Variants in MYBBP1A observed in about 807,000 individuals in gnomAD.
MYBBP1A encodes the protein MYB binding protein 1a, also known as myb-binding protein 1A.
A neutral mutation model predicts 136.3 loss-of-function variants in MYBBP1A; 147 were observed. The observed-to-expected ratio is 1.08, with a 90% confidence interval of 0.94 to 1.24. The LOEUF is 1.24. Among genes scored for constraint, MYBBP1A ranks in the 50% most tolerant of loss-of-function variants. MYBBP1A has a pLI of 0.00. For missense variants in MYBBP1A, 2,060 were observed against 1,727.4 expected (o/e 1.19, Z -3.41); for synonymous variants, 947 against 735.8 (o/e 1.29, Z -4.65).
chr17:4,543,322 A>G, intron 19 of MYBBP1A, 157 bp from the exon 20 acceptor site: 3 of 1,014,852 alleles, frequency 3.0e-6, no homozygotes, highest in Non-Finnish European at 4.2e-6. Context: ...GGCCGCCTGC[A>G]GGCTGCCTGG....
chr17:4,541,941 C>T, intron 22 of MYBBP1A, 50 bp from the exon 23 acceptor site: 1 of 1,505,206 alleles, frequency 6.6e-7, no homozygotes, highest in Admixed American at 1.7e-5. Context: ...GTTGGGTGCT[C>T]ACGGCTCAGG....
intron 8 of MYBBP1A, among the ~76,000 whole-genome samples, chr17:4,551,353 G>A (rs1249554098): frequency 6.6e-6 from 1 of 152,240 alleles, no homozygotes. Flanking sequence ...GGTCTGAACA[G>A]CCCGCTGGCT....
chr17:4,549,737 T>C (rs772742416), intron 9 of MYBBP1A, among the ~76,000 whole-genome samples: 3 of 124,802 alleles, frequency 2.4e-5, no homozygotes, highest in Non-Finnish European at 4.6e-5. Flanking sequence ...TGAGCTGAGA[T>C]CACACGCCAC....
chr17:4,544,990 TCCCCGGCC>T, intron 17 of MYBBP1A, 28 bp downstream of exon 17: 13 of 699,260 alleles, frequency 1.9e-5, no homozygotes, highest in Middle Eastern at 4.5e-4. Flanking sequence ...ACCCGAGCCC[TCCCCGGCC>T]GCCCCCCCCT....
At position 4,550,047 on chromosome 17, in the gene MYBBP1A, G is replaced by A; in HGVS notation, c.1319+11C>T. 6.3e-7 allele frequency: 1 copy of A among 1,599,702 alleles called. No individual in the cohort carries two copies. Among genetic ancestry groups the A allele is most frequent in the Non-Finnish European group, 8.5e-7 (1 of 1,170,916 alleles). On this transcript the variant is annotated intron_variant, in intron 9 of 25. Coordinates refer to ENST00000254718, the MANE Select transcript of MYBBP1A (RefSeq NM_014520.4). The stretch of plus-strand genomic sequence containing the variant: ...TCCTAAATTAGGTGTCCTCCCCCAA[G>A]GTCCACTCACATGTGGAGCGATGAA...
At position 4,548,547 on chromosome 17, in the gene MYBBP1A, CTCT is replaced by C. The variant is rs1907211033; in HGVS notation, c.1530_1532del (p.Glu511del). 1.9e-6 allele frequency: 3 copies of C among 1,614,062 alleles called. No individual in the cohort carries two copies. Among genetic ancestry groups the C allele is most frequent in the Non-Finnish European group, 2.5e-6 (3 of 1,180,052 alleles). ...ACCTGAAGAAGGCACTGCTGACAGC[CTCT>C]CGGGCCTGGTTTTCCAAAGGGAAGG... is the stretch of plus-strand genomic sequence containing the variant. On this transcript the variant is annotated inframe_deletion, in exon 11 of 26. Coordinates refer to ENST00000254718, the MANE Select transcript of MYBBP1A (RefSeq NM_014520.4). The surrounding 1 kb of genome is among the most constrained non-coding windows in gnomAD (Gnocchi z 4.2).
Position 4,544,824 on chromosome 17 carries a change from C to T in MYBBP1A, c.2408G>A (p.Arg803His), listed in dbSNP as rs369166290. 57 of 1,605,944 alleles carry T rather than the reference C, an allele frequency of 3.5e-5. No individual in the cohort carries two copies. The highest frequency in any genetic ancestry group is 7.8e-5 in the South Asian group (7 of 89,372). The change falls in exon 18 of 26, where the codon CGT becomes CAT. Residue 803 changes from arginine to histidine, a missense_variant. Arg to His is a conservative substitution (Grantham distance 29). Coordinates refer to ENST00000254718, the MANE Select transcript of MYBBP1A (RefSeq NM_014520.4). ...CTTCTCGTCTCGCCGGGCCTGGATA[C>T]GCAGCTTCTGCTCGGCAAAGAGGCT... Reference protein sequence around the residue: ...LASLFAEQKLRIQARRDEKNK... With the variant: ...LASLFAEQKLHIQARRDEKNK...
In MYBBP1A at chr17:4,549,434, C is replaced by T. The variant is rs767640756; in HGVS notation, c.1328G>A (p.Arg443Gln). 1.2e-5 allele frequency: 20 copies of T among 1,612,718 alleles called. No homozygotes were observed. Among genetic ancestry groups the T allele is most frequent in the South Asian group, 7.7e-5 (7 of 91,042 alleles). ...CCATTTCCTCAGCCGGAACACAGCT[C>T]GCTCAGGCCTAGCGGGGCAGGAGGC... ...AQDSSLHMPERAVFRLRKWII... is the reference protein window; with the variant it reads ...AQDSSLHMPEQAVFRLRKWII... Residue 443 changes from arginine to glutamine, a missense_variant, in exon 10 of 26, where the codon CGA becomes CAA. Physicochemically the swap from Arg to Gln is conservative, Grantham distance 43. Coordinates refer to ENST00000254718, the MANE Select transcript of MYBBP1A (RefSeq NM_014520.4).
chr17:4,539,546 C>G lies in MYBBP1A; in HGVS notation c.3856G>C (p.Val1286Leu), dbSNP rs779477710. ...GCGGACAGTGGTGATTTGCCCAAGA[C>G]CCCCTTTTTGGGAAGAGCCTTCTGA... The part of the protein sequence containing the change: ...QHQKALPKKG[V>L]LGKSPLSALA... Residue 1286 changes from valine to leucine, a missense_variant, in exon 26 of 26, where the codon GTC (valine) becomes CTC (leucine). Coordinates refer to ENST00000254718, the MANE Select transcript of MYBBP1A (RefSeq NM_014520.4). The G allele has an allele frequency of 3.1e-6, 5 of 1,614,044 alleles. No individual in the cohort carries two copies. In the African/African-American group the frequency reaches 6.7e-5, roughly 22 times the overall value.
At chr17:4,544,967 A>G (rs1172378119) in intron 17 of MYBBP1A, 46 bp from the exon 18 acceptor site, 12 of 1,562,750 alleles carry the variant, frequency 7.7e-6, no homozygotes, top group Non-Finnish European at 1.0e-5. Context: ...GGGCAGGCAC[A>G]CAACATGGGG....
In MYBBP1A at chr17:4,545,727, C is replaced by T. The variant is rs1195832362; in HGVS notation, c.1956G>A (p.Val652=). ...GGGCCAACAGGGCCAGCAAGATCTC[C>T]ACCAGCACCTCTACCCACGGGGGTT... ...PQEPPWVEVL[V]EILLALLAQP... is the part of the protein sequence containing the mutation. The change falls in exon 15 of 26, where the codon GTG becomes GTA. Residue 652 remains valine (V), a synonymous_variant. Coordinates refer to ENST00000254718, the MANE Select transcript of MYBBP1A (RefSeq NM_014520.4). 6 of 1,609,494 alleles carry T rather than the reference C, an allele frequency of 3.7e-6. No individual in the cohort carries two copies. The highest frequency in any genetic ancestry group is 5.1e-6 in the Non-Finnish European group (6 of 1,177,320).
Position 4,552,379 on chromosome 17 carries a change from C to T in MYBBP1A, c.737+72G>A, listed in dbSNP as rs538346977. 3.5e-5 allele frequency: 56 copies of T among 1,602,478 alleles called. 1 individual carries two copies. The highest frequency in any genetic ancestry group is 1.6e-4 in the East Asian group (7 of 44,754). On this transcript the variant is annotated intron_variant, in intron 6 of 25. Transcript: ENST00000254718. This position sits in a 1 kb window ranked among gnomAD's most constrained non-coding sequence, Gnocchi z 4.7. ...GCAGCCGGGACACCCCCAGGCCAAA[C>T]GACAAATCTGGGCCTGGCCAGATGC...
chr17:4,552,696 C>T lies in MYBBP1A; in HGVS notation c.562-70G>A, dbSNP rs1259192330. 6.8e-7 allele frequency: 1 copy of T among 1,461,710 alleles called. No individual in the cohort carries two copies. Among genetic ancestry groups the T allele is most frequent in the Non-Finnish European group, 9.3e-7 (1 of 1,071,080 alleles). The allele number at this position is 1,461,710 out of a possible 1,614,324, so 90.5% of individuals were successfully genotyped here. ...AGCCTGGTGGATCCTGTTCTACCTG[C>T]TCCTGACACGGGGCCACCTGGTGAG... On this transcript the variant is annotated intron_variant, in intron 5 of 25. Coordinates refer to ENST00000254718, the MANE Select transcript of MYBBP1A (RefSeq NM_014520.4). The surrounding 1 kb of genome is among the most constrained non-coding windows in gnomAD (Gnocchi z 4.7).
chr17:4,545,573 C>T (rs149496421), intron 15 of MYBBP1A, 37 bp downstream of exon 15: 20,910 of 1,548,648 alleles, frequency 0.014, 181 homozygotes, highest in Non-Finnish European at 0.017. Flanking sequence ...CTCAGTGAGC[C>T]CCAGCCCACA....
intron 22 of MYBBP1A, 130 bp from the exon 23 acceptor site, chr17:4,542,021 G>T: frequency 1.5e-6 from 1 of 669,362 alleles, no homozygotes; most frequent in Non-Finnish European, 2.6e-6. Context: ...GCTGCTCTGG[G>T]CTCTGTGACT....
At position 4,543,142 on chromosome 17, in the gene MYBBP1A, C is replaced by T. The variant is rs779307309; in HGVS notation, c.2663G>A (p.Arg888His). ...IFTHHLCRARRYCHDLGERAG... is the reference protein window; with the variant it reads ...IFTHHLCRARHYCHDLGERAG... The stretch of plus-strand genomic sequence containing the variant: ...GCGCTCACCCAAGTCGTGGCAGTAG[C>T]GCCGGGCACGGCACAGGTGGTGCCT... Residue 888 changes from arginine (R) to histidine (H), a missense_variant, in exon 20 of 26, where the codon CGC (arginine) becomes CAC (histidine). Arg to His is a conservative substitution (Grantham distance 29). Coordinates refer to ENST00000254718, the MANE Select transcript of MYBBP1A (RefSeq NM_014520.4). 6.9e-5 allele frequency: 111 copies of T among 1,609,150 alleles called. No homozygotes were observed. Among genetic ancestry groups the T allele is most frequent in the Admixed American group, 4.3e-4 (26 of 59,864 alleles).
intron 19 of MYBBP1A, among the ~76,000 whole-genome samples, chr17:4,544,131 C>T (rs961003279): frequency 1.3e-5 from 2 of 150,566 alleles, no homozygotes; most frequent in Non-Finnish European, 3.0e-5. Context: ...GCCACAGGTG[C>T]ACCCACTGTC....
rs374704321 is a variant in MYBBP1A, at chr17:4,554,006, C to T, written c.453+13G>A. ...GCCAGCCTACATTCCCCCAGTCCCTCCAAAGCTCTTACCTTCACCAGCCGA... is the reference window on the plus strand; with the variant it reads ...GCCAGCCTACATTCCCCCAGTCCCTTCAAAGCTCTTACCTTCACCAGCCGA... On this transcript the variant is annotated intron_variant, in intron 4 of 25. Coordinates refer to ENST00000254718, the MANE Select transcript of MYBBP1A (RefSeq NM_014520.4). The T allele has an allele frequency of 6.1e-5, 99 of 1,613,962 alleles. No individual in the cohort carries two copies. The highest frequency in any genetic ancestry group is 8.0e-5 in the Non-Finnish European group (94 of 1,180,038).
At position 4,552,837 on chromosome 17, in the gene MYBBP1A, C is replaced by CTTT. The variant is rs1365759237; in HGVS notation, c.562-212_562-211insAAA. Among the ~76,000 whole-genome samples, 441 of 43,624 alleles carry CTTT rather than the reference C, an allele frequency of 0.01. 4 individuals carry two copies. Among genetic ancestry groups the CTTT allele is most frequent in the African/African-American group, 0.02 (411 of 20,218 alleles). 28.6% of individuals were successfully genotyped at this position (43,624 alleles called of 152,430 possible). On this transcript the variant is annotated intron_variant, in intron 5 of 25. Transcript: ENST00000254718. This position sits in a 1 kb window ranked among gnomAD's most constrained non-coding sequence, Gnocchi z 4.7. ...CCCTGGAGGTACCTGCCCCCCACCC[C>CTTT]TTATTTTTTTTTTTTAAGACAGAGT...
Sources: allele counts gnomAD v4.1 joint callset (sites outside exome capture counted in the v4.1 genomes callset), GRCh38; gene constraint gnomAD v4.1.1; non-coding constraint Gnocchi (gnomAD v3.1); transcripts MANE v1.5; gene names NCBI Gene and HGNC (gene_info 2026-07-23, HGNC 2026-07-21).